Variants in TNS3 observed in about 807,000 individuals in gnomAD.
TNS3 encodes the protein tensin 3, also known as tensin-3.
TNS3 carries 45 observed loss-of-function variants against 140.9 expected under a neutral mutation model. The observed-to-expected ratio is 0.32, with a 90% confidence interval of 0.25 to 0.41. The LOEUF (loss-of-function observed/expected upper bound fraction) is 0.41, where lower values mean the gene tolerates loss of function less well. Ranked by LOEUF, TNS3 falls within the 10% of genes least tolerant of loss-of-function variation. The probability of loss-of-function intolerance (pLI) is 1.00; values close to 1 mark genes in which losing one functional copy is unlikely to be tolerated. For synonymous variants in TNS3, 815 were observed against 788.4 expected, an observed-to-expected ratio of 1.03 and a Z score of -0.56; for missense variants, 1,716 against 1,906.7, an observed-to-expected ratio of 0.90 and a Z score of 1.86.
chr7:47,470,801 T>C, intron 4 of TNS3: 1 of 238,226 alleles, frequency 4.2e-6, no homozygotes, highest in Non-Finnish European at 6.8e-6. Context: ...ATATGTTCCC[T>C]GCTGTTGACC....
intron 27 of TNS3, among the ~76,000 whole-genome samples, chr7:47,288,248 C>G (rs1486301068): frequency 6.6e-6 from 1 of 152,172 alleles, no homozygotes; most frequent in Non-Finnish European, 1.5e-5. Context: ...GAGCTGCCAA[C>G]TTGGGTCCTC....
chr7:47,338,019 C>G (rs1019730685), intron 20 of TNS3, among the ~76,000 whole-genome samples: 3 of 152,176 alleles, frequency 2.0e-5, no homozygotes, highest in African/African-American at 7.2e-5. Context: ...AGAGACCCAT[C>G]CGGGTTGTTG....
intron 3 of TNS3, among the ~76,000 whole-genome samples, chr7:47,503,963 C>T (rs917659289): frequency 3.9e-5 from 6 of 152,160 alleles, no homozygotes; most frequent in Non-Finnish European, 8.8e-5. Context: ...GCGACCTAAT[C>T]ATCTCCCCAA....
At chr7:47,386,380 C>A (rs1792070835) in intron 16 of TNS3, among the ~76,000 whole-genome samples, 1 of 152,242 alleles carries the variant, frequency 6.6e-6, no homozygotes, top group African/African-American at 2.4e-5. Context: ...AATGGCTTTC[C>A]CTGCACTTCG....
chr7:47,500,360 G>A lies in TNS3; in HGVS notation c.-115+6547C>T, dbSNP rs139630743. On this transcript the variant is annotated intron_variant, in intron 3 of 30. Transcript: ENST00000311160. Reference sequence around the variant, plus strand: ...TGCCCGTGTAAACATTTACTGAGACGGCAGAGAGAGGCAGAGCCCGTGCTG... The same window carrying A: ...TGCCCGTGTAAACATTTACTGAGACAGCAGAGAGAGGCAGAGCCCGTGCTG... Among the ~76,000 whole-genome samples, 110 of 152,328 alleles carry A rather than the reference G, an allele frequency of 7.2e-4. 8 individuals are homozygous for A. In the East Asian group the frequency reaches 0.011, roughly 16 times the overall value.
intron 22 of TNS3, 52 bp from the exon 23 acceptor site, chr7:47,302,324 C>G: frequency 7.1e-7 from 1 of 1,413,158 alleles, no homozygotes; most frequent in Admixed American, 1.7e-5. Flanking sequence ...TTTCTTCTTG[C>G]AACCTCTCAT....
At chr7:47,537,374 G>T (rs931017519) in intron 1 of TNS3, among the ~76,000 whole-genome samples, 8 of 152,110 alleles carry the variant, frequency 5.3e-5, no homozygotes, top group Non-Finnish European at 7.3e-5. Flanking sequence ...GGTCCCGCAC[G>T]GCGTCCCTCC....
intron 1 of TNS3, among the ~76,000 whole-genome samples, chr7:47,534,562 C>T (rs1799533165): frequency 2.0e-5 from 3 of 152,184 alleles, no homozygotes; most frequent in African/African-American, 7.2e-5. Context: ...TGAATCAGAA[C>T]ACTGGAATGT....
intron 16 of TNS3, among the ~76,000 whole-genome samples, chr7:47,374,368 G>A (rs73326537): frequency 1.3e-5 from 2 of 152,122 alleles, no homozygotes; most frequent in Non-Finnish European, 2.9e-5. Context: ...CTGGCGTTTC[G>A]TTGCTCAAAC....
intron 4 of TNS3, among the ~76,000 whole-genome samples, chr7:47,475,753 A>G (rs916546772): frequency 2.0e-5 from 3 of 152,226 alleles, no homozygotes; most frequent in Non-Finnish European, 4.4e-5. Flanking sequence ...TTGAACTTCA[A>G]TCAAAAGCTG....
At position 47,405,462 on chromosome 7, in the gene TNS3, G is replaced by A. The variant is rs115587547; in HGVS notation, c.724-4548C>T. 521 of 702,154 alleles carry A rather than the reference G, an allele frequency of 7.4e-4. 1 individual carries two copies. In the African/African-American group the frequency reaches 8.6e-3, roughly 12 times the overall value. The allele number at this position is 702,154 out of a possible 1,614,324, so 43.5% of individuals were successfully genotyped here. A position where few individuals can be genotyped will look rare whatever the true frequency, so the allele number is the denominator to read the frequency against. ...AAAAGTTAGATAGCTAAGCCCCATA[G>A]GTCAAAGACTTAAGTCAGGCAGGGC... On this transcript the variant is annotated intron_variant, in intron 13 of 30. Coordinates refer to ENST00000311160, the MANE Select transcript of TNS3 (RefSeq NM_022748.12).
chr7:47,460,253 A>C, intron 4 of TNS3, among the ~76,000 whole-genome samples: 1 of 149,896 alleles, frequency 6.7e-6, no homozygotes, highest in Admixed American at 6.6e-5. Flanking sequence ...GGAGATTAGG[A>C]CACAGACACA....
At chr7:47,522,752 C>A (rs1799030126) in intron 2 of TNS3, among the ~76,000 whole-genome samples, 1 of 151,960 alleles carries the variant, frequency 6.6e-6, no homozygotes, top group Non-Finnish European at 1.5e-5. Context: ...CATGGTGAAA[C>A]CCCGTTTCTA....
chr7:47,404,176 C>T (rs888254257), intron 13 of TNS3, among the ~76,000 whole-genome samples: 1 of 152,168 alleles, frequency 6.6e-6, no homozygotes, highest in Non-Finnish European at 1.5e-5. Context: ...ACAAAGGCTG[C>T]GCACAGCCTG....
chr7:47,531,452 T>C (rs1374371282), intron 1 of TNS3, among the ~76,000 whole-genome samples: 2 of 152,130 alleles, frequency 1.3e-5, no homozygotes, highest in Non-Finnish European at 2.9e-5. Context: ...TTAAAGACAG[T>C]GCTTGGGCAA....
In TNS3 at chr7:47,532,287, A is replaced by C. The variant is rs1472047397; in HGVS notation, c.-264-3140T>G. ...GCCTGTAGGCTGGGGACGGGCTGCC[A>C]GTCCCACAGACTGGAGTGGGGACTC... On this transcript the variant is annotated intron_variant, in intron 1 of 30. Transcript: ENST00000311160. 3.3e-5 allele frequency among the ~76,000 whole-genome samples: 5 copies of C among 152,258 alleles called. No individual in the cohort carries two copies. In the East Asian group the frequency reaches 5.8e-4, roughly 18 times the overall value.
intron 1 of TNS3, among the ~76,000 whole-genome samples, chr7:47,576,531 G>A (rs544584400): frequency 6.6e-5 from 10 of 152,344 alleles, no homozygotes; most frequent in Admixed American, 1.3e-4. Context: ...TGATGAAAGG[G>A]GTAGGCGCCC....
chr7:47,456,124 T>C (rs975457746), intron 4 of TNS3, among the ~76,000 whole-genome samples: 3 of 152,088 alleles, frequency 2.0e-5, no homozygotes, highest in Non-Finnish European at 4.4e-5. Flanking sequence ...GCAAGATTAA[T>C]ATAAGGGGAA....
intron 16 of TNS3, among the ~76,000 whole-genome samples, chr7:47,382,488 T>G (rs1235542195): frequency 1.3e-5 from 2 of 152,244 alleles, no homozygotes; most frequent in African/African-American, 4.8e-5. Context: ...TTAACCTTTC[T>G]TGAAACAACG....
Sources: allele counts gnomAD v4.1 joint callset (sites outside exome capture counted in the v4.1 genomes callset), GRCh38; gene constraint gnomAD v4.1.1; transcripts MANE v1.5; gene names NCBI Gene and HGNC (gene_info 2026-07-23, HGNC 2026-07-21).